DERA: variants seen among roughly 807,000 people sequenced by gnomAD.
The protein encoded by DERA is 2-deoxy-D-ribose 5-phosphate aldolase.
A neutral mutation model predicts 41.1 loss-of-function variants in DERA; 15 were observed. The observed-to-expected ratio is 0.37, with a 90% CI of 0.24 to 0.56. The LOEUF is 0.56. DERA is among the 20% of genes least tolerant of loss of function. The pLI, the probability that DERA is intolerant of heterozygous loss-of-function variation, is 0.81. For synonymous variants in DERA, 139 were observed against 137.4 expected (o/e 1.01, Z -0.08); for missense variants, 396 against 403.4 (o/e 0.98, Z 0.16).
At position 15,911,566 on chromosome 12, in the gene DERA, C is replaced by G; in HGVS notation, c.31+152C>G. 2 of 839,652 alleles carry G rather than the reference C, an allele frequency of 2.4e-6. No individual in the cohort carries two copies. The highest frequency in any genetic ancestry group is 3.8e-6 in the Non-Finnish European group (2 of 525,910). 52.0% of individuals were successfully genotyped at this position (839,652 alleles called of 1,614,324 possible). ...GCAGTGGCGTCTGGTCAGCCCTCAC[C>G]CCAAGTAAAGGCCGAACCCGGCACG... On this transcript the variant is annotated intron_variant, in intron 1 of 8. Coordinates refer to ENST00000428559, the MANE Select transcript of DERA (RefSeq NM_015954.4). The surrounding 1 kb of genome is among the most constrained non-coding windows in gnomAD (Gnocchi z 4.5).
rs995910929 is a variant in DERA at position 15,984,041 on chromosome 12, G to A, written c.637+1605G>A. Among the ~76,000 whole-genome samples the A allele has an allele frequency of 2.0e-5, 3 of 152,188 alleles. No individual in the cohort carries two copies. The highest frequency in any genetic ancestry group is 4.4e-5 in the Non-Finnish European group (3 of 68,034). On this transcript the variant is annotated intron_variant, in intron 6 of 8. Transcript: ENST00000428559. This position sits in a 1 kb window ranked among gnomAD's most constrained non-coding sequence, Gnocchi z 4.5. The stretch of plus-strand genomic sequence containing the variant: ...TAGCCCCCCTTTATGCTGCTTGCCA[G>A]CACAAGTGATTGTTAGCCCAGGTAA...
chr12:15,958,709 AAGTATT>A (rs1457951571), intron 3 of DERA, among the ~76,000 whole-genome samples: 1 of 152,022 alleles, frequency 6.6e-6, no homozygotes, highest in Non-Finnish European at 1.5e-5. Context: ...CTCATACATA[AAGTATT>A]TTCTGTGAGT....
In DERA at chr12:16,003,578, G is replaced by A. The variant is rs141612599; in HGVS notation, c.637+21142G>A. On this transcript the variant is annotated intron_variant, in intron 6 of 8. Coordinates refer to ENST00000428559, the MANE Select transcript of DERA (RefSeq NM_015954.4). This position sits in a 1 kb window ranked among gnomAD's most constrained non-coding sequence, Gnocchi z 4.8. ...GTTTGGGTTAGAGAAGCCTACTACT[G>A]TAGGCTAGATGCCAACTAAAAACAA... 6.6e-6 allele frequency among the ~76,000 whole-genome samples: 1 copy of A among 152,174 alleles called. No homozygotes were observed. Among genetic ancestry groups the A allele is most frequent in the Non-Finnish European group, 1.5e-5 (1 of 68,026 alleles).
rs140734322 is a variant in DERA, at chr12:15,928,826, G to T, written c.31+17412G>T. Among the ~76,000 whole-genome samples, 2 of 152,346 alleles carry T rather than the reference G, an allele frequency of 1.3e-5. No individual in the cohort carries two copies. Among genetic ancestry groups the T allele is most frequent in the East Asian group, 3.9e-4 (2 of 5,182 alleles). ...GCAGTTTAAAATGTTTAACCAAAGG[G>T]AATATTTGGTTGTGGGGAGCCTTTT... On this transcript the variant is annotated intron_variant, in intron 1 of 8. Coordinates refer to ENST00000428559, the MANE Select transcript of DERA (RefSeq NM_015954.4). This position sits in a 1 kb window ranked among gnomAD's most constrained non-coding sequence, Gnocchi z 4.6.
chr12:15,982,603 A>T lies in DERA; in HGVS notation c.637+167A>T, dbSNP rs968409318. ...ACATGTTCAATGTGAAGTGGTCAAA[A>T]ACTCCTGGCTTTCTTCCACATTTTT... On this transcript the variant is annotated intron_variant, in intron 6 of 8. Transcript: ENST00000428559. This position sits in a 1 kb window ranked among gnomAD's most constrained non-coding sequence, Gnocchi z 4.0. Among the ~76,000 whole-genome samples the T allele has an allele frequency of 1.3e-5, 2 of 152,186 alleles. No homozygotes were observed. Among genetic ancestry groups the T allele is most frequent in the African/African-American group, 4.8e-5 (2 of 41,424 alleles).
chr12:16,000,110 G>A lies in DERA; in HGVS notation c.637+17674G>A, dbSNP rs1301213656. 6.6e-6 allele frequency among the ~76,000 whole-genome samples: 1 copy of A among 152,162 alleles called. No individual in the cohort carries two copies. The highest frequency in any genetic ancestry group is 1.5e-5 in the Non-Finnish European group (1 of 68,028). On this transcript the variant is annotated intron_variant, in intron 6 of 8. Transcript: ENST00000428559. This position sits in a 1 kb window ranked among gnomAD's most constrained non-coding sequence, Gnocchi z 4.8. ...GGTGAGTGATTGCATGCTGAGCAGG[G>A]AAGGGAAGGGCAGATCCAACTCCTA...
Position 15,982,536 on chromosome 12 carries a change from A to T in DERA, c.637+100A>T, listed in dbSNP as rs887703240. ...TTAGCTATTATTAAACGTGCTAACC[A>T]CTTGGAATTTTTTTGCGGGAGGAAT... On this transcript the variant is annotated intron_variant, in intron 6 of 8. Coordinates refer to ENST00000428559, the MANE Select transcript of DERA (RefSeq NM_015954.4). This position sits in a 1 kb window ranked among gnomAD's most constrained non-coding sequence, Gnocchi z 4.0. 3.0e-6 allele frequency: 4 copies of T among 1,327,780 alleles called. No homozygotes were observed. Among genetic ancestry groups the T allele is most frequent in the Non-Finnish European group, 3.0e-6 (3 of 985,138 alleles). The allele number at this position is 1,327,780 out of a possible 1,614,324, so 82.2% of individuals were successfully genotyped here.
At position 15,923,297 on chromosome 12, in the gene DERA, C is replaced by T. The variant is rs535910509; in HGVS notation, c.31+11883C>T. Among the ~76,000 whole-genome samples the T allele has an allele frequency of 8.3e-3, 1,265 of 152,174 alleles. 20 individuals are homozygous for T. The highest frequency in any genetic ancestry group is 0.028 in the African/African-American group (1,171 of 41,502). ...TCGGCCTCCCAAAGTGCTGGGATTA[C>T]AGGCGTGAGCCACCGCGCCCGGCCT... On this transcript the variant is annotated intron_variant, in intron 1 of 8. Coordinates refer to ENST00000428559, the MANE Select transcript of DERA (RefSeq NM_015954.4).
intron 6 of DERA, among the ~76,000 whole-genome samples, chr12:16,016,094 A>G (rs758531369): frequency 1.3e-5 from 2 of 152,182 alleles, no homozygotes; most frequent in African/African-American, 4.8e-5. Flanking sequence ...TCATGTAAGC[A>G]TGACTTTGTG....
Position 16,001,585 on chromosome 12 carries a change from G to A in DERA, c.637+19149G>A, listed in dbSNP as rs1948875304. 6.6e-6 allele frequency among the ~76,000 whole-genome samples: 1 copy of A among 152,188 alleles called. No homozygotes were observed. The highest frequency in any genetic ancestry group is 1.9e-4 in the East Asian group (1 of 5,196). ...CTCTGCAAGGTGGTCAGTTTCTGGG[G>A]TGACTAGACACCACCAATTTCTGGA... On this transcript the variant is annotated intron_variant, in intron 6 of 8. Coordinates refer to ENST00000428559, the MANE Select transcript of DERA (RefSeq NM_015954.4). The surrounding 1 kb of genome is among the most constrained non-coding windows in gnomAD (Gnocchi z 4.1).
chr12:15,967,232 G>A lies in DERA; in HGVS notation c.508+4285G>A, dbSNP rs577706526. ...AAATTAGCCTGGTGTTGTGGTATGC[G>A]CCTGTAGTCCCAGCTACTCAAGGTT... On this transcript the variant is annotated intron_variant, in intron 5 of 8. Transcript: ENST00000428559. The surrounding 1 kb of genome is among the most constrained non-coding windows in gnomAD (Gnocchi z 4.9). 4.6e-5 allele frequency among the ~76,000 whole-genome samples: 7 copies of A among 151,986 alleles called. No homozygotes were observed. Among genetic ancestry groups the A allele is most frequent in the South Asian group, 4.2e-4 (2 of 4,800 alleles).
At chr12:15,968,551 G>A (rs546961706) in intron 5 of DERA, among the ~76,000 whole-genome samples, 1 of 152,340 alleles carries the variant, frequency 6.6e-6, no homozygotes, top group South Asian at 2.1e-4. Context: ...AGGGAGGACA[G>A]TACTGGGAAA....
At chr12:15,930,401 G>A (rs1418699386) in intron 1 of DERA, among the ~76,000 whole-genome samples, 1 of 152,068 alleles carries the variant, frequency 6.6e-6, no homozygotes, top group Non-Finnish European at 1.5e-5. Context: ...CTTCCTGAGG[G>A]AATTTATCCA....
At position 16,020,586 on chromosome 12, in the gene DERA, G is replaced by A. The variant is rs151151711; in HGVS notation, c.638-11956G>A. ...AGCTGAAAATGTGGGAGCAGCTTTG[G>A]AACTGGGTAATGGAGAGGTTGGAAG... On this transcript the variant is annotated intron_variant, in intron 6 of 8. Transcript: ENST00000428559. This position sits in a 1 kb window ranked among gnomAD's most constrained non-coding sequence, Gnocchi z 5.5. Among the ~76,000 whole-genome samples, 2,582 of 152,328 alleles carry A rather than the reference G, an allele frequency of 0.017. 31 individuals carry two copies. The highest frequency in any genetic ancestry group is 0.028 in the Non-Finnish European group (1,909 of 68,034).
intron 6 of DERA, among the ~76,000 whole-genome samples, chr12:15,991,948 A>C (rs1948804820): frequency 6.6e-6 from 1 of 152,162 alleles, no homozygotes; most frequent in African/African-American, 2.4e-5. Context: ...GTACTCTGTC[A>C]AACCTCCTAT....
At chr12:15,956,818 G>T in intron 1 of DERA, 118 bp from the exon 2 acceptor site, 1 of 812,074 alleles carries the variant, frequency 1.2e-6, no homozygotes. Flanking sequence ...AGAAATATAA[G>T]CTTTAAAAAA....
chr12:15,946,026 A>G (rs1032579555), intron 1 of DERA, among the ~76,000 whole-genome samples: 1 of 152,218 alleles, frequency 6.6e-6, no homozygotes, highest in African/African-American at 2.4e-5. Flanking sequence ...ATGCTGGATT[A>G]CATTTATTGA....
chr12:15,995,555 A>C lies in DERA; in HGVS notation c.637+13119A>C, dbSNP rs184277230. ...AGACTCTCTTACCTAGGGTGCCCAG[A>C]GAACAGCTAGGGAGTGACAAGAAAA... On this transcript the variant is annotated intron_variant, in intron 6 of 8. Coordinates refer to ENST00000428559, the MANE Select transcript of DERA (RefSeq NM_015954.4). This position sits in a 1 kb window ranked among gnomAD's most constrained non-coding sequence, Gnocchi z 5.1. Among the ~76,000 whole-genome samples the C allele has an allele frequency of 6.6e-6, 1 of 152,336 alleles. No homozygotes were observed. Among genetic ancestry groups the C allele is most frequent in the Admixed American group, 6.5e-5 (1 of 15,302 alleles).
chr12:15,956,742 A>C, intron 1 of DERA, 194 bp from the exon 2 acceptor site: 1 of 671,236 alleles, frequency 1.5e-6, no homozygotes, highest in Non-Finnish European at 2.8e-6. Flanking sequence ...GTGATTTTGC[A>C]TGAAGTATGC....
Sources: allele counts gnomAD v4.1 joint callset (sites outside exome capture counted in the v4.1 genomes callset), GRCh38; gene constraint gnomAD v4.1.1; non-coding constraint Gnocchi (gnomAD v3.1); transcripts MANE v1.5; gene names NCBI Gene and HGNC (gene_info 2026-07-23, HGNC 2026-07-21).